LOC128092252: variants seen among roughly 807,000 people sequenced by gnomAD.
chr15:50,653,752 CAAG>C, the LOC128092252 span, among the ~76,000 whole-genome samples: 376 of 152,050 alleles, frequency 2.5e-3, no homozygotes, highest in African/African-American at 8.7e-3. Context: ...GCTATAAAGA[CAAG>C]AAGGAAAAAA....
chr15:50,659,304 A>T, the LOC128092252 span, among the ~76,000 whole-genome samples: 1 of 152,188 alleles, frequency 6.6e-6, no homozygotes, highest in Non-Finnish European at 1.5e-5. Context: ...CTGCTTGGAC[A>T]TACAAAGACT....
At chr15:50,681,108 G>A in the LOC128092252 span, among the ~76,000 whole-genome samples, 8 of 152,160 alleles carry the variant, frequency 5.3e-5, no homozygotes, top group South Asian at 6.2e-4. Flanking sequence ...AAAATTAGCC[G>A]GGCATGGTAG....
At chr15:50,655,318 A>T in the LOC128092252 span, among the ~76,000 whole-genome samples, 3 of 151,598 alleles carry the variant, frequency 2.0e-5, no homozygotes, top group East Asian at 5.9e-4. Context: ...CTGTAATCCC[A>T]GCTACTCAGA....
At chr15:50,679,516 AT>A in the LOC128092252 span, among the ~76,000 whole-genome samples, 9 of 32,384 alleles carry the variant, frequency 2.8e-4, no homozygotes, top group East Asian at 4.2e-3. Context: ...TATATAATAT[AT>A]ATATATATAT....
At chr15:50,669,133 C>A in the LOC128092252 span, among the ~76,000 whole-genome samples, 6 of 152,244 alleles carry the variant, frequency 3.9e-5, no homozygotes, top group South Asian at 1.2e-3. Flanking sequence ...TACAAACCCA[C>A]AGCTGAGGTC....
chr15:50,675,066 G>A, the LOC128092252 span, among the ~76,000 whole-genome samples: 1 of 152,140 alleles, frequency 6.6e-6, no homozygotes, highest in South Asian at 2.1e-4. Flanking sequence ...CTCCTGGCTG[G>A]GCACGGTGGC....
the LOC128092252 span, among the ~76,000 whole-genome samples, chr15:50,670,957 G>A: frequency 6.6e-6 from 1 of 152,086 alleles, no homozygotes; most frequent in Non-Finnish European, 1.5e-5. Flanking sequence ...GCAGATTGCT[G>A]GAGCTCAGGA....
the LOC128092252 span, among the ~76,000 whole-genome samples, chr15:50,653,877 G>A: frequency 6.6e-6 from 1 of 152,092 alleles, no homozygotes; most frequent in African/African-American, 2.4e-5. Flanking sequence ...TGTGAACGGG[G>A]TCCTAAAGGT....
chr15:50,679,328 C>G, the LOC128092252 span, among the ~76,000 whole-genome samples: 1 of 141,936 alleles, frequency 7.0e-6, no homozygotes, highest in Non-Finnish European at 1.5e-5. Flanking sequence ...GAGCAAAACA[C>G]TATCCAAAAA....
chr15:50,677,341 A>G, the LOC128092252 span, among the ~76,000 whole-genome samples: 1 of 151,642 alleles, frequency 6.6e-6, no homozygotes, highest in Admixed American at 6.6e-5. Flanking sequence ...ATACCATCAC[A>G]CTGGAGGTTA....
the LOC128092252 span, among the ~76,000 whole-genome samples, chr15:50,681,834 G>A: frequency 1.3e-5 from 2 of 152,112 alleles, no homozygotes; most frequent in Non-Finnish European, 2.9e-5. Context: ...TTGCTCCTTA[G>A]GTCAAGTAGG....
chr15:50,651,635 G>GA, the LOC128092252 span, among the ~76,000 whole-genome samples: 2,346 of 151,868 alleles, frequency 0.015, 65 homozygotes, highest in African/African-American at 0.054. Context: ...GTCTCTAAAC[G>GA]AAAAAATTAA....
At chr15:50,684,730 T>G in the LOC128092252 span, among the ~76,000 whole-genome samples, 1 of 152,108 alleles carries the variant, frequency 6.6e-6, no homozygotes, top group Non-Finnish European at 1.5e-5. Context: ...TCCAAACTGA[T>G]GGAAATTCTA....
At chr15:50,679,538 A>ATATATATTTTTT in the LOC128092252 span, among the ~76,000 whole-genome samples, 2 of 43,904 alleles carry the variant, frequency 4.6e-5, no homozygotes, top group African/African-American at 2.1e-4. Context: ...ATATATATAT[A>ATATATATTTTTT]TTTTTTTTTT....
the LOC128092252 span, among the ~76,000 whole-genome samples, chr15:50,684,266 C>T: frequency 6.6e-6 from 1 of 151,840 alleles, no homozygotes; most frequent in African/African-American, 2.4e-5. Context: ...GATTCTCCTG[C>T]CTTAGCCTCC....
the LOC128092252 span, among the ~76,000 whole-genome samples, chr15:50,654,552 TC>T: frequency 8.1e-3 from 1,220 of 151,438 alleles, 27 homozygotes; most frequent in African/African-American, 0.028. Context: ...AGACAAAGAC[TC>T]TAATGCAGGT....
the LOC128092252 span, among the ~76,000 whole-genome samples, chr15:50,667,909 AAT>A: frequency 2.6e-5 from 4 of 152,218 alleles, no homozygotes; most frequent in South Asian, 2.1e-4. Context: ...CATTTGTATA[AAT>A]ATGTTATTGG....
the LOC128092252 span, among the ~76,000 whole-genome samples, chr15:50,653,670 AG>A: frequency 2.4e-4 from 37 of 152,200 alleles, 1 homozygote; most frequent in Non-Finnish European, 2.9e-5. Flanking sequence ...GGGCCAAGCA[AG>A]GAAGTAGAGA....
the LOC128092252 span, among the ~76,000 whole-genome samples, chr15:50,650,142 G>A: frequency 7.5e-6 from 1 of 133,272 alleles, no homozygotes; most frequent in Non-Finnish European, 1.5e-5. Context: ...ACAGTGAGCA[G>A]AGATTGGGCC....
Sources: gnomAD v4.1 joint callset for allele counts (sites outside exome capture counted in the v4.1 genomes callset) on GRCh38, gnomAD v4.1.1 for gene constraint, MANE v1.5 for transcripts.